RAB15: variants seen among roughly 807,000 people sequenced by gnomAD.
RAB15 encodes ras-related protein Rab-15.
A neutral mutation model predicts 31.8 loss-of-function variants in RAB15; 13 were observed. The observed-to-expected ratio is 0.41, with a 90% CI of 0.27 to 0.65. RAB15 has a LOEUF of 0.65. RAB15 is among the 30% of genes least tolerant of loss of function. The probability of loss-of-function intolerance (pLI) is 0.32; values close to 1 mark genes in which losing one functional copy is unlikely to be tolerated. For synonymous variants in RAB15, 100 were observed against 105.6 expected, an observed-to-expected ratio of 0.95 and a Z score of 0.33; for missense variants, 220 against 277.3, an observed-to-expected ratio of 0.79 and a Z score of 1.47.
Position 64,950,859 on chromosome 14 carries a change from G to A in RAB15, c.324+215C>T, listed in dbSNP as rs144746992. 42 of 922,782 alleles carry A rather than the reference G, an allele frequency of 4.6e-5. No individual in the cohort carries two copies. In the African/African-American group the frequency reaches 5.3e-4, roughly 12 times the overall value. The allele number at this position is 922,782 out of a possible 1,614,324, so 57.2% of individuals were successfully genotyped here. ...GAAGACTTGGAACTAATTCATTTCC[G>A]GGAAAGACACAGCCGTGGAGGCCTG... On this transcript the variant is annotated intron_variant, in intron 4 of 6. Coordinates refer to ENST00000533601, the MANE Select transcript of RAB15 (RefSeq NM_001308154.2). The surrounding 1 kb of genome is among the most constrained non-coding windows in gnomAD (Gnocchi z 5.6).
chr14:64,950,527 G>T lies in RAB15; in HGVS notation c.325-113C>A. 2.2e-6 allele frequency: 2 copies of T among 907,962 alleles called. No homozygotes were observed. Among genetic ancestry groups the T allele is most frequent in the South Asian group, 1.3e-5 (1 of 74,160 alleles). The allele number at this position is 907,962 out of a possible 1,614,324, so 56.2% of individuals were successfully genotyped here. A position where few individuals can be genotyped will look rare whatever the true frequency, so the allele number is the denominator to read the frequency against. On this transcript the variant is annotated intron_variant, in intron 4 of 6. Coordinates refer to ENST00000533601, the MANE Select transcript of RAB15 (RefSeq NM_001308154.2). The surrounding 1 kb of genome is among the most constrained non-coding windows in gnomAD (Gnocchi z 5.6). ...CACCAATTCCAGAGCCCTAGGGACA[G>T]GGTGGGCCGACTGGATGCAGGTGCC...
In RAB15 at chr14:64,954,239, GAGA is replaced by G. The variant is rs1276611061; in HGVS notation, c.125-1671_125-1669del. The G allele has an allele frequency of 1.1e-5, 11 of 985,420 alleles. No homozygotes were observed. The highest frequency in any genetic ancestry group is 1.3e-5 in the Non-Finnish European group (11 of 829,922). 61.0% of individuals were successfully genotyped at this position (985,420 alleles called of 1,614,324 possible). A position where few individuals can be genotyped will look rare whatever the true frequency, so the allele number is the denominator to read the frequency against. ...TCCATGTGTGCAGAGAAAGAGTGAA[GAGA>G]AGGAGGGAGGAAGGGAGGAAGGAGA... is the stretch of plus-strand genomic sequence containing the variant. On this transcript the variant is annotated intron_variant, in intron 1 of 6. Transcript: ENST00000533601. The surrounding 1 kb of genome is among the most constrained non-coding windows in gnomAD (Gnocchi z 4.3).
rs1300365464 is a variant in RAB15 at position 64,962,359 on chromosome 14, T to C, written c.124+9594A>G. 1.3e-5 allele frequency among the ~76,000 whole-genome samples: 2 copies of C among 152,236 alleles called. No homozygotes were observed. The highest frequency in any genetic ancestry group is 2.1e-4 in the South Asian group (1 of 4,836). On this transcript the variant is annotated intron_variant, in intron 1 of 6. Coordinates refer to ENST00000533601, the MANE Select transcript of RAB15 (RefSeq NM_001308154.2). The surrounding 1 kb of genome is among the most constrained non-coding windows in gnomAD (Gnocchi z 4.2). ...GTTAATTCATTCATTCAAACTGTTA[T>C]TGAATGCTTACAATGTGCCAGGAAC...
rs758525584 is a variant in RAB15 at position 64,947,300 on chromosome 14, T to TA, written c.*1053dup. ...TCCCTGGCCAGCTCTCCCTTGCTCT[T>TA]AACCTGATACATAGGAGCTAGTCCT... On this transcript the variant is annotated 3_prime_UTR_variant, in exon 7 of 7. Coordinates refer to ENST00000533601, the MANE Select transcript of RAB15 (RefSeq NM_001308154.2). This position sits in a 1 kb window ranked among gnomAD's most constrained non-coding sequence, Gnocchi z 5.6. 1.3e-5 allele frequency: 2 copies of TA among 152,716 alleles called. No homozygotes were observed. The highest frequency in any genetic ancestry group is 2.9e-5 in the Non-Finnish European group (2 of 68,122). 9.5% of individuals were successfully genotyped at this position (152,716 alleles called of 1,614,324 possible). A position where few individuals can be genotyped will look rare whatever the true frequency, so the allele number is the denominator to read the frequency against.
rs4902350 is a variant in RAB15 at position 64,955,647 on chromosome 14, G to T, written c.125-3076C>A. On this transcript the variant is annotated intron_variant, in intron 1 of 6. Transcript: ENST00000533601. This position sits in a 1 kb window ranked among gnomAD's most constrained non-coding sequence, Gnocchi z 4.4. ...CTCTCAGCAGGATACCTTCTCCACT[G>T]TTTTATGGCCCAGATGAATGCCTTT... is the stretch of plus-strand genomic sequence containing the variant. Among the ~76,000 whole-genome samples, 15,156 of 152,140 alleles carry T rather than the reference G, an allele frequency of 0.1. 922 individuals carry two copies. The highest frequency in any genetic ancestry group is 0.13 in the Non-Finnish European group (8,785 of 67,968).
At position 64,954,098 on chromosome 14, in the gene RAB15, C is replaced by T. The variant is rs139954258; in HGVS notation, c.125-1527G>A. ...ATTACAAGGGAAAAAAGATGCAGAA[C>T]GGGCAACCTGAACTAAATCGATTTG... On this transcript the variant is annotated intron_variant, in intron 1 of 6. Transcript: ENST00000533601. The surrounding 1 kb of genome is among the most constrained non-coding windows in gnomAD (Gnocchi z 4.3). 18 of 985,444 alleles carry T rather than the reference C, an allele frequency of 1.8e-5. No individual in the cohort carries two copies. The East Asian group carries it at 1.5e-3, about 81-fold the overall frequency. 61.0% of individuals were successfully genotyped at this position (985,444 alleles called of 1,614,324 possible). A position where few individuals can be genotyped will look rare whatever the true frequency, so the allele number is the denominator to read the frequency against.
At chr14:64,956,076 C>T (rs1366515967) in intron 1 of RAB15, among the ~76,000 whole-genome samples, 1 of 152,070 alleles carries the variant, frequency 6.6e-6, no homozygotes, top group Non-Finnish European at 1.5e-5. Context: ...GTCCCTGGAC[C>T]CACAGCATCA....
At position 64,951,477 on chromosome 14, in the gene RAB15, C is replaced by A; in HGVS notation, c.246+126G>T. The A allele has an allele frequency of 1.1e-6, 1 of 880,870 alleles. No individual in the cohort carries two copies. The highest frequency in any genetic ancestry group is 1.9e-6 in the Non-Finnish European group (1 of 513,860). The allele number at this position is 880,870 out of a possible 1,614,324, so 54.6% of individuals were successfully genotyped here. On this transcript the variant is annotated intron_variant, in intron 3 of 6. Transcript: ENST00000533601. The surrounding 1 kb of genome is among the most constrained non-coding windows in gnomAD (Gnocchi z 7.2). ...AAATGATCAGTGAACAGCTGAAAGACGCCCTGCGCTCCTCCAAGCAGGCGA... is the reference window on the plus strand; with the variant it reads ...AAATGATCAGTGAACAGCTGAAAGAAGCCCTGCGCTCCTCCAAGCAGGCGA...
Position 64,946,902 on chromosome 14 carries a change from C to A in RAB15, c.*1452G>T, listed in dbSNP as rs185987609. The A allele has an allele frequency of 1.8e-4, 28 of 152,706 alleles. No homozygotes were observed. Among genetic ancestry groups the A allele is most frequent in the African/African-American group, 6.3e-4 (26 of 41,526 alleles). 9.5% of individuals were successfully genotyped at this position (152,706 alleles called of 1,614,324 possible). A position where few individuals can be genotyped will look rare whatever the true frequency, so the allele number is the denominator to read the frequency against. On this transcript the variant is annotated 3_prime_UTR_variant, in exon 7 of 7. Coordinates refer to ENST00000533601, the MANE Select transcript of RAB15 (RefSeq NM_001308154.2). The stretch of plus-strand genomic sequence containing the variant: ...GGGCCTCCTACGAGCTACTCTTGGG[C>A]CATATGGGGTTAAAGAAACTTCCTG...
rs142570473 is a variant in RAB15 at position 64,950,999 on chromosome 14, C to T, written c.324+75G>A. 7 of 1,613,928 alleles carry T rather than the reference C, an allele frequency of 4.3e-6. No individual in the cohort carries two copies. In the African/African-American group the frequency reaches 9.3e-5, roughly 22 times the overall value. On this transcript the variant is annotated intron_variant, in intron 4 of 6. Coordinates refer to ENST00000533601, the MANE Select transcript of RAB15 (RefSeq NM_001308154.2). This position sits in a 1 kb window ranked among gnomAD's most constrained non-coding sequence, Gnocchi z 5.6. ...AAAGCTTCCTGGAAGCATTTGCCTT[C>T]CCATCTGGCCCTCGCCTTGCCTTCC...
chr14:64,957,683 A>G (rs1045291256), intron 1 of RAB15, among the ~76,000 whole-genome samples: 1 of 152,154 alleles, frequency 6.6e-6, no homozygotes, highest in African/African-American at 2.4e-5. Flanking sequence ...AGGGAAGCCA[A>G]TTCTCATGTT....
At position 64,948,592 on chromosome 14, in the gene RAB15, C is replaced by T. The variant is rs1886051748; in HGVS notation, c.480+76G>A. ...CCTGCAGCGGCCTGAGGGATAAGGT[C>T]CATCTTATGGCTCCTCCTCCCACCT... On this transcript the variant is annotated intron_variant, in intron 6 of 6. Coordinates refer to ENST00000533601, the MANE Select transcript of RAB15 (RefSeq NM_001308154.2). This position sits in a 1 kb window ranked among gnomAD's most constrained non-coding sequence, Gnocchi z 7.0. The T allele has an allele frequency of 6.2e-7, 1 of 1,608,212 alleles. No individual in the cohort carries two copies. Among genetic ancestry groups the T allele is most frequent in the African/African-American group, 1.3e-5 (1 of 74,886 alleles).
rs1886703533 is a variant in RAB15 at position 64,958,704 on chromosome 14, A to G, written c.125-6133T>C. Among the ~76,000 whole-genome samples, 1 of 152,144 alleles carries G rather than the reference A, an allele frequency of 6.6e-6. No homozygotes were observed. Among genetic ancestry groups the G allele is most frequent in the Non-Finnish European group, 1.5e-5 (1 of 68,026 alleles). The stretch of plus-strand genomic sequence containing the variant: ...AGAAATAGGGCACAGAAGTGTTAAG[A>G]AACAAGCAAACCACTTCTACACAGC... On this transcript the variant is annotated intron_variant, in intron 1 of 6. Coordinates refer to ENST00000533601, the MANE Select transcript of RAB15 (RefSeq NM_001308154.2). The surrounding 1 kb of genome is among the most constrained non-coding windows in gnomAD (Gnocchi z 4.4).
At chr14:64,965,430 A>G (rs934685303) in intron 1 of RAB15, among the ~76,000 whole-genome samples, 3 of 152,190 alleles carry the variant, frequency 2.0e-5, no homozygotes, top group Admixed American at 6.5e-5. Context: ...TTTGCACTCC[A>G]GCCTGGGCGA....
Position 64,955,375 on chromosome 14 carries a change from C to T in RAB15, c.125-2804G>A, listed in dbSNP as rs1190080553. On this transcript the variant is annotated intron_variant, in intron 1 of 6. Transcript: ENST00000533601. This position sits in a 1 kb window ranked among gnomAD's most constrained non-coding sequence, Gnocchi z 4.4. ...TGTCCACCTACCAGTCAAGCCCTGG[C>T]CCCAGTAACCCGTGCCCATCGTGGC... is the stretch of plus-strand genomic sequence containing the variant. Among the ~76,000 whole-genome samples the T allele has an allele frequency of 6.6e-6, 1 of 152,190 alleles. No homozygotes were observed. The highest frequency in any genetic ancestry group is 6.5e-5 in the Admixed American group (1 of 15,286).
At position 64,953,545 on chromosome 14, in the gene RAB15, C is replaced by T. The variant is rs768078840; in HGVS notation, c.125-974G>A. 2.0e-5 allele frequency among the ~76,000 whole-genome samples: 3 copies of T among 152,164 alleles called. No individual in the cohort carries two copies. In the South Asian group the frequency reaches 6.2e-4, roughly 32 times the overall value. On this transcript the variant is annotated intron_variant, in intron 1 of 6. Coordinates refer to ENST00000533601, the MANE Select transcript of RAB15 (RefSeq NM_001308154.2). The surrounding 1 kb of genome is among the most constrained non-coding windows in gnomAD (Gnocchi z 4.6). Reference sequence around the variant, plus strand: ...CTTCTTCATCCAAGGGCTGGAGGAGCTAAGCTGCCACGAGACACAAGAAAC... The same window carrying T: ...CTTCTTCATCCAAGGGCTGGAGGAGTTAAGCTGCCACGAGACACAAGAAAC...
chr14:64,961,476 T>C (rs1163258286), intron 1 of RAB15, among the ~76,000 whole-genome samples: 1 of 152,186 alleles, frequency 6.6e-6, no homozygotes, highest in Non-Finnish European at 1.5e-5. Flanking sequence ...TCAGAGCTGG[T>C]ATCAGATGAT....
In RAB15 at chr14:64,953,394, C is replaced by T. The variant is rs554178371; in HGVS notation, c.125-823G>A. 2.0e-5 allele frequency among the ~76,000 whole-genome samples: 3 copies of T among 152,302 alleles called. No individual in the cohort carries two copies. The highest frequency in any genetic ancestry group is 4.1e-4 in the South Asian group (2 of 4,826). On this transcript the variant is annotated intron_variant, in intron 1 of 6. Transcript: ENST00000533601. This position sits in a 1 kb window ranked among gnomAD's most constrained non-coding sequence, Gnocchi z 4.6. ...ACCTGGCCCAATTGACTGCAGCTGT[C>T]ATGAGCTAGTGCAGGGCCGGGTACA...
rs1886930248 is a variant in RAB15 at position 64,962,875 on chromosome 14, A to G, written c.124+9078T>C. Among the ~76,000 whole-genome samples the G allele has an allele frequency of 2.0e-5, 3 of 152,188 alleles. No individual in the cohort carries two copies. Among genetic ancestry groups the G allele is most frequent in the East Asian group, 1.9e-4 (1 of 5,194 alleles). Reference sequence around the variant, plus strand: ...TAGCATCTGGTTTAGTTCCTGGAACATAGTCAGCATTCAATAGCACTTACA... The same window carrying G: ...TAGCATCTGGTTTAGTTCCTGGAACGTAGTCAGCATTCAATAGCACTTACA... On this transcript the variant is annotated intron_variant, in intron 1 of 6. Coordinates refer to ENST00000533601, the MANE Select transcript of RAB15 (RefSeq NM_001308154.2). This position sits in a 1 kb window ranked among gnomAD's most constrained non-coding sequence, Gnocchi z 4.2.
Sources: allele counts gnomAD v4.1 joint callset (sites outside exome capture counted in the v4.1 genomes callset), GRCh38; gene constraint gnomAD v4.1.1; non-coding constraint Gnocchi (gnomAD v3.1); transcripts MANE v1.5; gene names NCBI Gene and HGNC (gene_info 2026-07-23, HGNC 2026-07-21).